PPP2R5E: variants seen among roughly 807,000 people sequenced by gnomAD.
The protein encoded by PPP2R5E is serine/threonine-protein phosphatase 2A 56 kDa regulatory subunit epsilon isoform.
PPP2R5E carries 4 observed loss-of-function variants against 65.3 expected under a neutral mutation model. The ratio of observed to expected loss-of-function variants is 0.06; its 90% CI spans 0.03 to 0.14. The LOEUF is 0.14. Among genes scored for constraint, PPP2R5E ranks in the 10% least tolerant of loss-of-function variants. The pLI is 1.00. For missense variants in PPP2R5E, 274 were observed against 556.1 expected, an observed-to-expected ratio of 0.49 and a Z score of 5.10; for synonymous variants, 183 against 187.4, an observed-to-expected ratio of 0.98 and a Z score of 0.19.
At chr14:63,504,272 C>CA (rs1431430932) in intron 2 of PPP2R5E, among the ~76,000 whole-genome samples, 9 of 151,550 alleles carry the variant, frequency 5.9e-5, no homozygotes, top group Admixed American at 1.3e-4. Flanking sequence ...AAAACAAAAA[C>CA]AAAAAAAACC....
chr14:63,489,794 C>A (rs200232175), intron 2 of PPP2R5E, among the ~76,000 whole-genome samples: 1 of 143,986 alleles, frequency 6.9e-6, no homozygotes, highest in African/African-American at 2.5e-5. Flanking sequence ...TGTCAGAATT[C>A]AAGTACAAGT....
rs75221954 is a variant in PPP2R5E at position 63,406,412 on chromosome 14, A to C, written c.549+8728T>G. ...GGTGACAGAGCTAGACTTCATCTCA[A>C]AAAAAAAAAAAAAAGAAAAAGAAAA... On this transcript the variant is annotated intron_variant, in intron 5 of 13. Transcript: ENST00000337537. 2.0e-4 allele frequency among the ~76,000 whole-genome samples: 29 copies of C among 144,720 alleles called. 2 individuals carry two copies. In the South Asian group the frequency reaches 5.5e-3, roughly 28 times the overall value. 94.9% of individuals were successfully genotyped at this position (144,720 alleles called of 152,430 possible).
At chr14:63,383,694 C>A (rs1884502022) in intron 12 of PPP2R5E, among the ~76,000 whole-genome samples, 1 of 151,918 alleles carries the variant, frequency 6.6e-6, no homozygotes. Flanking sequence ...TTTTTAAATA[C>A]CACATTAAAT....
intron 5 of PPP2R5E, among the ~76,000 whole-genome samples, chr14:63,402,146 C>G (rs1291772464): frequency 6.6e-6 from 1 of 152,178 alleles, no homozygotes; most frequent in East Asian, 1.9e-4. Flanking sequence ...TATTTGCCAG[C>G]TTTCTTCCCT....
chr14:63,502,160 G>T (rs1262959633), intron 2 of PPP2R5E, among the ~76,000 whole-genome samples: 1 of 152,136 alleles, frequency 6.6e-6, no homozygotes, highest in Non-Finnish European at 1.5e-5. Context: ...CTCCCAAAGT[G>T]GTGGGATTAC....
chr14:63,414,838 C>G (rs1886610877), intron 5 of PPP2R5E, among the ~76,000 whole-genome samples: 1 of 152,084 alleles, frequency 6.6e-6, no homozygotes, highest in South Asian at 2.1e-4. Flanking sequence ...ATAACGATTC[C>G]CACAAACCAA....
chr14:63,421,772 C>T (rs1887038254), intron 4 of PPP2R5E, among the ~76,000 whole-genome samples: 2 of 152,158 alleles, frequency 1.3e-5, no homozygotes, highest in African/African-American at 2.4e-5. Flanking sequence ...GCTGTACCTG[C>T]AACGTGGGGT....
chr14:63,484,508 T>C (rs1177933423), intron 2 of PPP2R5E, among the ~76,000 whole-genome samples: 1 of 152,092 alleles, frequency 6.6e-6, no homozygotes, highest in East Asian at 1.9e-4. Flanking sequence ...AAGCATACAC[T>C]GTGTCAAACA....
chr14:63,376,126 T>A lies in PPP2R5E; in HGVS notation c.1305-18A>T. On this transcript the variant is annotated intron_variant, in intron 13 of 13. Transcript: ENST00000337537. Reference sequence around the variant, plus strand: ...TTTTCTCACTGAGGAAGAAACAGAATACAATGTAAACAGCTGAGGTTTAAT... The same window carrying A: ...TTTTCTCACTGAGGAAGAAACAGAAAACAATGTAAACAGCTGAGGTTTAAT... The A allele has an allele frequency of 6.6e-7, 1 of 1,519,978 alleles. No homozygotes were observed. The highest frequency in any genetic ancestry group is 9.1e-7 in the Non-Finnish European group (1 of 1,095,580). 94.2% of individuals were successfully genotyped at this position (1,519,978 alleles called of 1,614,324 possible).
intron 11 of PPP2R5E, among the ~76,000 whole-genome samples, chr14:63,388,133 CTTTT>C (rs1884786908): frequency 1.5e-5 from 2 of 134,890 alleles, no homozygotes; most frequent in Non-Finnish European, 3.2e-5. Context: ...TTTCTCCTTT[CTTTT>C]TTCTTTCTTT....
intron 3 of PPP2R5E, among the ~76,000 whole-genome samples, chr14:63,423,260 T>C (rs1887139460): frequency 6.6e-6 from 1 of 152,178 alleles, no homozygotes; most frequent in African/African-American, 2.4e-5. Context: ...CACACCCGGC[T>C]AATTTTTGTA....
chr14:63,430,277 G>A (rs1887565114), intron 3 of PPP2R5E, among the ~76,000 whole-genome samples: 1 of 152,038 alleles, frequency 6.6e-6, no homozygotes, highest in African/African-American at 2.4e-5. Context: ...ACTTTGGGAG[G>A]CCGAGGCGGG....
intron 2 of PPP2R5E, among the ~76,000 whole-genome samples, chr14:63,509,823 G>C (rs539007175): frequency 7.9e-5 from 12 of 152,172 alleles, no homozygotes; most frequent in Non-Finnish European, 1.5e-5. Flanking sequence ...CCCTGAGTTA[G>C]CTAACGCTCA....
At chr14:63,399,516 T>C (rs1165162616) in intron 5 of PPP2R5E, among the ~76,000 whole-genome samples, 2 of 151,748 alleles carry the variant, frequency 1.3e-5, no homozygotes, top group Admixed American at 6.6e-5. Context: ...TGGGTCTGGA[T>C]TTCTTTGAGG....
intron 2 of PPP2R5E, among the ~76,000 whole-genome samples, chr14:63,521,658 G>C (rs535950302): frequency 2.0e-5 from 3 of 152,212 alleles, no homozygotes; most frequent in Admixed American, 6.5e-5. Flanking sequence ...GCAAGACTCA[G>C]TCTCAAAAAA....
chr14:63,504,561 G>A (rs1056261681), intron 2 of PPP2R5E, among the ~76,000 whole-genome samples: 1 of 152,156 alleles, frequency 6.6e-6, no homozygotes, highest in Non-Finnish European at 1.5e-5. Context: ...CAGCCTCGGC[G>A]ACAGAGTGAG....
intron 8 of PPP2R5E, 95 bp downstream of exon 8, chr14:63,393,725 C>A: frequency 1.1e-6 from 1 of 872,572 alleles, no homozygotes; most frequent in Non-Finnish European, 1.8e-6. Flanking sequence ...AAACAAAAAC[C>A]AAAAAAACAA....
intron 2 of PPP2R5E, among the ~76,000 whole-genome samples, chr14:63,482,782 T>C (rs72714280): frequency 0.24 from 36,165 of 152,202 alleles, 4,737 homozygotes; most frequent in African/African-American, 0.35. Flanking sequence ...CTAGAAAATC[T>C]AACAGAATAA....
chr14:63,462,269 A>T (rs902807064), intron 2 of PPP2R5E, among the ~76,000 whole-genome samples: 5 of 151,924 alleles, frequency 3.3e-5, no homozygotes, highest in Admixed American at 1.3e-4. Context: ...ATGGAGTTTC[A>T]CCGTGTTAGC....
Sources: gnomAD v4.1 joint callset for allele counts (sites outside exome capture counted in the v4.1 genomes callset) on GRCh38, gnomAD v4.1.1 for gene constraint, MANE v1.5 for transcripts, NCBI Gene and HGNC (gene_info 2026-07-23, HGNC 2026-07-21) for gene names.